The following ANKRD17 variants were observed in gnomAD, a reference collection of about 807,000 sequenced individuals.
ANKRD17 encodes ankyrin repeat domain-containing protein 17.
ANKRD17 carries 19 observed loss-of-function variants against 229.7 expected under a neutral mutation model. That is an observed-to-expected ratio of 0.08 (90% confidence interval 0.06 to 0.12). The LOEUF (loss-of-function observed/expected upper bound fraction) is 0.12, where lower values mean the gene tolerates loss of function less well. Among genes scored for constraint, ANKRD17 ranks in the 10% least tolerant of loss-of-function variants. ANKRD17 has a pLI of 1.00. For missense variants in ANKRD17, 2,176 were observed against 3,176.8 expected, an observed-to-expected ratio of 0.68 and a Z score of 7.57; for synonymous variants, 1,112 against 1,146.1, an observed-to-expected ratio of 0.97 and a Z score of 0.60.
At chr4:73,101,681 A>AAAAAG (rs1553913811) in intron 25 of ANKRD17, among the ~76,000 whole-genome samples, 1 of 150,480 alleles carries the variant, frequency 6.6e-6, no homozygotes, top group Non-Finnish European at 1.5e-5. Context: ...AAAAAAAAAA[A>AAAAAG]GGATTTATAG....
At position 73,098,311 on chromosome 4, in the gene ANKRD17, G is replaced by C. The variant is rs961446636; in HGVS notation, c.4783C>G (p.Gln1595Glu). 1 of 1,614,202 alleles carries C rather than the reference G, an allele frequency of 6.2e-7. No individual in the cohort carries two copies. The highest frequency in any genetic ancestry group is 1.1e-5 in the South Asian group (1 of 91,086). The change falls in exon 26 of 34, where the codon CAG (glutamine) becomes GAG (glutamate). Residue 1595 changes from glutamine to glutamate, a missense_variant. This residue lies in a region of ANKRD17 where 105 missense variants were observed against 118.3 expected (regional missense o/e 0.89). Transcript: ENST00000358602. ...FDDPLPISYS[Q>E]PEKVNGESKS... The stretch of plus-strand genomic sequence containing the variant: ...GACTCTCCATTCACCTTCTCTGGCT[G>C]ACTGTATGAAATTGGTAGTGGATCA...
chr4:73,126,699 A>G (rs888800759), intron 16 of ANKRD17, among the ~76,000 whole-genome samples: 1 of 152,190 alleles, frequency 6.6e-6, no homozygotes, highest in African/African-American at 2.4e-5. Flanking sequence ...ATGCTAACCT[A>G]GCAAACTATC....
rs559558761 is a variant in ANKRD17 at position 73,148,735 on chromosome 4, T to C, written c.1567+78A>G. ...TTGCAACTCTACTAGAAAGGTGAAA[T>C]ACTAAAATCCAATTTTATAAAATTA... On this transcript the variant is annotated intron_variant, in intron 8 of 33. Coordinates refer to ENST00000358602, the MANE Select transcript of ANKRD17 (RefSeq NM_032217.5). 30 of 1,318,152 alleles carry C rather than the reference T, an allele frequency of 2.3e-5. No homozygotes were observed. The South Asian group carries it at 3.5e-4, about 15-fold the overall frequency. The allele number at this position is 1,318,152 out of a possible 1,614,324, so 81.7% of individuals were successfully genotyped here. A position where few individuals can be genotyped will look rare whatever the true frequency, so the allele number is the denominator to read the frequency against.
chr4:73,077,234 T>G, intron 32 of ANKRD17, 121 bp downstream of exon 32: 2 of 1,305,906 alleles, frequency 1.5e-6, no homozygotes, highest in Non-Finnish European at 2.0e-6. Context: ...CTAAGAAATC[T>G]AAAAATTATT....
chr4:73,206,896 G>A (rs939649289), intron 1 of ANKRD17, among the ~76,000 whole-genome samples: 12 of 152,088 alleles, frequency 7.9e-5, no homozygotes, highest in Admixed American at 6.5e-4. Context: ...GATCTCGGCT[G>A]ACTGCAACCT....
intron 2 of ANKRD17, among the ~76,000 whole-genome samples, chr4:73,165,795 A>C (rs1578245484): frequency 6.6e-6 from 1 of 152,218 alleles, no homozygotes; most frequent in African/African-American, 2.4e-5. Flanking sequence ...TGCTGACTTA[A>C]AGATGGAGGG....
At chr4:73,233,404 C>G (rs1743240151) in intron 1 of ANKRD17, among the ~76,000 whole-genome samples, 1 of 152,084 alleles carries the variant, frequency 6.6e-6, no homozygotes, top group Admixed American at 6.6e-5. Context: ...TAGGTTGATT[C>G]TAAAACAGAA....
At chr4:73,162,580 A>G (rs551192494) in intron 2 of ANKRD17, among the ~76,000 whole-genome samples, 178 of 152,234 alleles carry the variant, frequency 1.2e-3, no homozygotes, top group Middle Eastern at 6.8e-3. Flanking sequence ...GACTATATAT[A>G]AAAGATAAGC....
At chr4:73,189,681 T>C (rs1191119997) in intron 1 of ANKRD17, among the ~76,000 whole-genome samples, 1 of 152,204 alleles carries the variant, frequency 6.6e-6, no homozygotes, top group Non-Finnish European at 1.5e-5. Flanking sequence ...TATGTTTTAC[T>C]TACTCAGATG....
At chr4:73,097,447 T>C (rs1219155130) in intron 26 of ANKRD17, among the ~76,000 whole-genome samples, 175 bp from the exon 27 acceptor site, 1 of 151,856 alleles carries the variant, frequency 6.6e-6, no homozygotes, top group African/African-American at 2.4e-5. Flanking sequence ...TTTTTTTTTT[T>C]CTTTTTGAGA....
chr4:73,101,268 C>T (rs962500389), intron 25 of ANKRD17: 16 of 946,414 alleles, frequency 1.7e-5, no homozygotes, highest in Non-Finnish European at 2.0e-5. Flanking sequence ...TTGAAGAAAT[C>T]GATGATCTGG....
At chr4:73,222,942 A>G in intron 1 of ANKRD17, 1 of 1,472,558 alleles carries the variant, frequency 6.8e-7, no homozygotes, top group Non-Finnish European at 9.2e-7. Flanking sequence ...TTCAGATTTC[A>G]ACTTTCATTT....
At chr4:73,124,218 C>T (rs1727130826) in intron 18 of ANKRD17, among the ~76,000 whole-genome samples, 1 of 137,762 alleles carries the variant, frequency 7.3e-6, no homozygotes, top group Admixed American at 8.3e-5. Flanking sequence ...TTCAATAATT[C>T]CTTGATAGAG....
At chr4:73,112,780 T>C (rs1205116145) in intron 24 of ANKRD17, 6 of 761,376 alleles carry the variant, frequency 7.9e-6, no homozygotes, top group Non-Finnish European at 9.6e-6. Flanking sequence ...ATTTTGACCT[T>C]TTTAAAAAAA....
At chr4:73,083,375 G>C (rs1478492503) in intron 30 of ANKRD17, among the ~76,000 whole-genome samples, 1 of 152,214 alleles carries the variant, frequency 6.6e-6, no homozygotes, top group Admixed American at 6.5e-5. Context: ...CTTAAGTGAT[G>C]CATGTTTTTA....
intron 14 of ANKRD17, among the ~76,000 whole-genome samples, chr4:73,140,566 G>A (rs1440474773): frequency 6.6e-6 from 1 of 152,150 alleles, no homozygotes; most frequent in Non-Finnish European, 1.5e-5. Flanking sequence ...ATATCTAAGT[G>A]TGCAATTAAA....
intron 6 of ANKRD17, among the ~76,000 whole-genome samples, chr4:73,153,209 C>T (rs1258896939): frequency 6.6e-6 from 1 of 151,796 alleles, no homozygotes; most frequent in African/African-American, 2.4e-5. Flanking sequence ...GCCTAGGGGT[C>T]AAGAATTTAT....
At chr4:73,232,404 T>C (rs1170984122) in intron 1 of ANKRD17, among the ~76,000 whole-genome samples, 2 of 152,166 alleles carry the variant, frequency 1.3e-5, no homozygotes, top group South Asian at 4.1e-4. Flanking sequence ...GCCTCAGAAT[T>C]TTCCAATTTT....
At chr4:73,161,962 G>A (rs921387337) in intron 2 of ANKRD17, among the ~76,000 whole-genome samples, 12 of 151,812 alleles carry the variant, frequency 7.9e-5, no homozygotes, top group African/African-American at 2.9e-4. Flanking sequence ...CTGCAGTCAT[G>A]AACTCTTGGG....
Sources: gnomAD v4.1 joint callset for allele counts (sites outside exome capture counted in the v4.1 genomes callset) on GRCh38, gnomAD v4.1.1 for gene constraint, gnomAD v4.1.1 regional missense constraint, MANE v1.5 for transcripts, NCBI Gene and HGNC (gene_info 2026-07-23, HGNC 2026-07-21) for gene names.